The following ADGRF5 variants were observed in gnomAD, a reference collection of about 807,000 sequenced individuals.
ADGRF5 encodes the protein adhesion G protein-coupled receptor F5, also known as G-protein coupled receptor 116.
ADGRF5 carries 75 observed loss-of-function variants against 132.3 expected under a neutral mutation model. That is an observed-to-expected ratio of 0.57 (90% CI 0.47 to 0.69). The LOEUF (loss-of-function observed/expected upper bound fraction) is 0.69. ADGRF5 is among the 30% of genes least tolerant of loss of function. The pLI, the probability that ADGRF5 is intolerant of heterozygous loss-of-function variation, is 0.00. For missense variants in ADGRF5, 1,516 were observed against 1,630.6 expected, an observed-to-expected ratio of 0.93 and a Z score of 1.21; for synonymous variants, 629 against 597.6, an observed-to-expected ratio of 1.05 and a Z score of -0.77.
chr6:46,873,258 A>T (rs1203334853), intron 10 of ADGRF5, among the ~76,000 whole-genome samples: 2 of 151,816 alleles, frequency 1.3e-5, no homozygotes, highest in Non-Finnish European at 2.9e-5. Flanking sequence ...CCACCACTGC[A>T]TTTCTTCCTC....
At position 46,929,131 on chromosome 6, in the gene ADGRF5, G is replaced by A. The variant is rs1201139366; in HGVS notation, c.-24-22345C>T. On this transcript the variant is annotated intron_variant, in intron 1 of 20. Transcript: ENST00000265417. ...TGATAGACTGGATTAAGAAAATGTG[G>A]CACATATACACCATGGAATACTATG... 3.3e-5 allele frequency among the ~76,000 whole-genome samples: 5 copies of A among 152,078 alleles called. No individual in the cohort carries two copies. In the East Asian group the frequency reaches 9.6e-4, roughly 29 times the overall value.
At position 46,866,956 on chromosome 6, in the gene ADGRF5, A is replaced by G; in HGVS notation, c.1803T>C (p.Thr601=). ...GAAGGGATGAGGAACCCGTATGGAA[A>G]GTAACTTTGTAGTCTCCATCCTCCT... ...CIEEDGDYKV[T]FHTGSSSLPA... is the part of the protein sequence containing the mutation. The change falls in exon 13 of 21, where the codon ACT becomes ACC. Residue 601 remains threonine, a synonymous_variant. Coordinates refer to ENST00000283296, the MANE Select transcript of ADGRF5 (RefSeq NM_001098518.2). 3 of 1,612,986 alleles carry G rather than the reference A, an allele frequency of 1.9e-6. No homozygotes were observed. The highest frequency in any genetic ancestry group is 2.5e-6 in the Non-Finnish European group (3 of 1,178,942).
At chr6:46,891,098 G>A (rs796918784) in intron 3 of ADGRF5, among the ~76,000 whole-genome samples, 9 of 152,276 alleles carry the variant, frequency 5.9e-5, no homozygotes, top group African/African-American at 1.9e-4. Flanking sequence ...AAGGTCTGTC[G>A]CATATTTTCC....
chr6:46,926,605 C>G (rs547693209), upstream of ADGRF5, among the ~76,000 whole-genome samples: 1 of 152,258 alleles, frequency 6.6e-6, no homozygotes, highest in South Asian at 2.1e-4. Context: ...CCGTCCACAG[C>G]CTTCACATTC....
rs1184260500 is a variant in ADGRF5 at position 46,953,687 on chromosome 6, A to ATATATC, written c.-25+1046_-25+1047insGATATA. Among the ~76,000 whole-genome samples the ATATATC allele has an allele frequency of 4.3e-3, 554 of 130,240 alleles. 2 individuals carry two copies. Among genetic ancestry groups the ATATATC allele is most frequent in the Middle Eastern group, 0.029 (7 of 244 alleles). 85.4% of individuals were successfully genotyped at this position (130,240 alleles called of 152,430 possible). ...TATATATATATATATATATATATAT[A>ATATATC]TATCTCACTGACAGTGGCATTATTA... On this transcript the variant is annotated intron_variant, in intron 1 of 20. Coordinates refer to the ADGRF5 transcript ENST00000265417.
At chr6:46,912,238 G>A (rs1413400478) in intron 1 of ADGRF5, among the ~76,000 whole-genome samples, 1 of 152,178 alleles carries the variant, frequency 6.6e-6, no homozygotes, top group Non-Finnish European at 1.5e-5. Context: ...TATACCAGAA[G>A]GACCTGACCT....
intron 1 of ADGRF5, among the ~76,000 whole-genome samples, chr6:46,911,216 C>T (rs138723486): frequency 9.9e-4 from 151 of 152,306 alleles, no homozygotes; most frequent in African/African-American, 3.5e-3. Flanking sequence ...AAATCACTTT[C>T]ACTGATCCTC....
Position 46,855,467 on chromosome 6 carries a change from C to T in ADGRF5, c.3961+507G>A, listed in dbSNP as rs187385190. ...AATAGCTAACTTGGGTGATCCCTTA[C>T]GTAATGCATGCACAGTTCTATACGC... On this transcript the variant is annotated intron_variant, in intron 20 of 20. Coordinates refer to ENST00000283296, the MANE Select transcript of ADGRF5 (RefSeq NM_001098518.2). 2.0e-3 allele frequency among the ~76,000 whole-genome samples: 309 copies of T among 152,228 alleles called. 2 individuals are homozygous for T. Among genetic ancestry groups the T allele is most frequent in the Non-Finnish European group, 3.5e-3 (241 of 68,016 alleles).
intron 20 of ADGRF5, 117 bp from the exon 21 acceptor site, chr6:46,854,188 T>C: frequency 3.0e-6 from 2 of 671,178 alleles, no homozygotes; most frequent in Non-Finnish European, 4.9e-6. Context: ...AGCTCGGCCA[T>C]GCCTGGAAAC....
intron 4 of ADGRF5, chr6:46,888,061 A>T: frequency 3.6e-6 from 1 of 281,494 alleles, no homozygotes; most frequent in Admixed American, 6.2e-5. Flanking sequence ...ATTATGAAGG[A>T]CCTGGCCATA....
intron 10 of ADGRF5, 68 bp from the exon 11 acceptor site, chr6:46,872,081 A>C: frequency 8.8e-7 from 1 of 1,136,172 alleles, no homozygotes; most frequent in Non-Finnish European, 1.2e-6. Context: ...AAAGAGGTCA[A>C]ATCATTTTTT....
rs931042082 is a variant in ADGRF5 at position 46,928,857 on chromosome 6, G to C, written c.-24-22071C>G. Among the ~76,000 whole-genome samples the C allele has an allele frequency of 2.6e-5, 4 of 152,276 alleles. No individual in the cohort carries two copies. The East Asian group carries it at 7.7e-4, about 29-fold the overall frequency. On this transcript the variant is annotated intron_variant, in intron 1 of 20. Transcript: ENST00000265417. ...TCAGGAAACAACAGGTGCTGGAGAG[G>C]ATGTGGAGAAATAGGAACACTTTTA...
Position 46,888,368 on chromosome 6 carries a change from T to C in ADGRF5, c.295A>G (p.Ile99Val), listed in dbSNP as rs143107263. The change falls in exon 4 of 21, where the codon ATT becomes GTT. Residue 99 changes from isoleucine to valine, a missense_variant. Physicochemically the swap from Ile to Val is conservative, Grantham distance 29 (BLOSUM62 3). Around this residue, in one of 2 missense-constraint regions of ADGRF5, gnomAD observed 945 missense variants for 929.4 expected, o/e 1.02. Transcript: ENST00000283296. ...FPIHGNNTDQ[I>V]TDILSINVTT... The stretch of plus-strand genomic sequence containing the variant: ...ACATTTATGCTCAAAATGTCGGTAA[T>C]TTGGTCAGTGTTATTCCCATGAATT... The C allele has an allele frequency of 8.6e-4, 1,388 of 1,611,464 alleles. 3 individuals carry two copies. Among genetic ancestry groups the C allele is most frequent in the Admixed American group, 1.2e-3 (71 of 60,008 alleles).
At position 46,858,191 on chromosome 6, in the gene ADGRF5, T is replaced by C. The variant is rs924221080; in HGVS notation, c.3712A>G (p.Thr1238Ala). 5 of 1,614,026 alleles carry C rather than the reference T, an allele frequency of 3.1e-6. No homozygotes were observed. Among genetic ancestry groups the C allele is most frequent in the Non-Finnish European group, 4.2e-6 (5 of 1,180,020 alleles). The change falls in exon 17 of 21, where the codon ACT (threonine) becomes GCT (alanine). Residue 1238 changes from threonine to alanine, a missense_variant. This residue lies in a region of ADGRF5 where 571 missense variants were observed against 701.2 expected (regional missense o/e 0.81). Transcript: ENST00000283296. ...ACAAGGTTGGTCCCTGGGAACACAG[T>C]GGTGAGACCAAAACCCCAAGTGAGG... is the stretch of plus-strand genomic sequence containing the variant. ...LGLTWGFGLT[T>A]VFPGTNLVFH...
intron 1 of ADGRF5, among the ~76,000 whole-genome samples, chr6:46,908,501 G>T (rs1362980683): frequency 3.3e-5 from 5 of 152,110 alleles, no homozygotes; most frequent in Middle Eastern, 3.2e-3. Context: ...AACCAAGGAA[G>T]AACTCACATA....
At chr6:46,911,488 C>G (rs1025431455) in intron 1 of ADGRF5, among the ~76,000 whole-genome samples, 1 of 152,130 alleles carries the variant, frequency 6.6e-6, no homozygotes, top group Non-Finnish European at 1.5e-5. Flanking sequence ...TTATTAATCT[C>G]CATCTTTTCC....
chr6:46,859,382 T>A lies in ADGRF5; in HGVS notation c.2521A>T (p.Ser841Cys). ...RFSQALQSGD[S>C]PPLSFSQTNV... The stretch of plus-strand genomic sequence containing the variant: ...GTTTGGGAGAAGGACAAAGGAGGGC[T>A]ATCTCCCGACTGTAATGCTTGGGAA... The change falls in exon 17 of 21, where the codon AGC becomes TGC. Residue 841 changes from serine to cysteine, a missense_variant. Around this residue, in one of 2 missense-constraint regions of ADGRF5, gnomAD observed 571 missense variants for 701.2 expected, o/e 0.81. Coordinates refer to ENST00000283296, the MANE Select transcript of ADGRF5 (RefSeq NM_001098518.2). 6.2e-7 allele frequency: 1 copy of A among 1,613,836 alleles called. No homozygotes were observed. The highest frequency in any genetic ancestry group is 8.5e-7 in the Non-Finnish European group (1 of 1,179,748).
intron 1 of ADGRF5, among the ~76,000 whole-genome samples, chr6:46,932,969 T>G (rs1378618739): frequency 6.6e-6 from 1 of 152,138 alleles, no homozygotes; most frequent in Non-Finnish European, 1.5e-5. Context: ...AAAACAACAA[T>G]GGCTCTGAAA....
At chr6:46,889,509 C>A (rs1427485360) in intron 3 of ADGRF5, among the ~76,000 whole-genome samples, 1 of 140,368 alleles carries the variant, frequency 7.1e-6, no homozygotes, top group Admixed American at 7.4e-5. Flanking sequence ...TAGAGAGAGA[C>A]TATATATAGT....
Sources: allele counts gnomAD v4.1 joint callset (sites outside exome capture counted in the v4.1 genomes callset), GRCh38; gene constraint gnomAD v4.1.1; regional missense constraint gnomAD v4.1.1; transcripts MANE v1.5; gene names NCBI Gene and HGNC (gene_info 2026-07-23, HGNC 2026-07-21).